Variants in GRIK2 observed in about 807,000 individuals in gnomAD.
The protein encoded by GRIK2 is glutamate receptor ionotropic, kainate 2.
In GRIK2, 32 loss-of-function variants were observed where a neutral mutation model predicts 100.3. That is an observed-to-expected ratio of 0.32 (90% CI 0.24 to 0.43). GRIK2 has a LOEUF of 0.43. Among genes scored for constraint, GRIK2 ranks in the 20% least tolerant of loss-of-function variants. The pLI, the probability that GRIK2 is intolerant of heterozygous loss-of-function variation, is 1.00. For missense variants in GRIK2, 843 were observed against 1,114.9 expected (o/e 0.76, Z 3.47); for synonymous variants, 417 against 389.4 (o/e 1.07, Z -0.83).
chr6:101,682,741 A>C, intron 6 of GRIK2, 135 bp downstream of exon 6: 1 of 495,076 alleles, frequency 2.0e-6, no homozygotes, highest in African/African-American at 2.0e-5. Flanking sequence ...GACTCCACCA[A>C]AATTATTATC....
chr6:101,799,305 G>GTGTGTGTGTA (rs10601554), intron 7 of GRIK2, among the ~76,000 whole-genome samples: 63 of 149,648 alleles, frequency 4.2e-4, no homozygotes, highest in Middle Eastern at 6.8e-3. Context: ...GTGTGTGTGT[G>GTGTGTGTGTA]TATAAGTGAG....
At chr6:101,684,623 G>C (rs975428249) in intron 6 of GRIK2, among the ~76,000 whole-genome samples, 1 of 151,920 alleles carries the variant, frequency 6.6e-6, no homozygotes, top group African/African-American at 2.4e-5. Flanking sequence ...CAAAAGAGAG[G>C]TTGACAAGAG....
intron 13 of GRIK2, chr6:101,927,811 C>A (rs1169929731): frequency 4.6e-5 from 7 of 152,042 alleles, no homozygotes; most frequent in Non-Finnish European, 8.8e-5. Context: ...GATGGGAGAT[C>A]CTTGCTTATA....
chr6:101,420,274 C>A (rs60315344), intron 2 of GRIK2, among the ~76,000 whole-genome samples: 3,622 of 152,294 alleles, frequency 0.024, 139 homozygotes, highest in African/African-American at 0.082. Context: ...TGAGCCCATG[C>A]TATCTAGTTT....
At chr6:101,928,312 G>A in intron 13 of GRIK2, 103 bp from the exon 14 acceptor site, 1 of 674,384 alleles carries the variant, frequency 1.5e-6, no homozygotes, top group Non-Finnish European at 2.7e-6. Flanking sequence ...TTTGATTTAA[G>A]CTTTTATTAC....
chr6:101,855,353 C>T (rs892646253), intron 10 of GRIK2, among the ~76,000 whole-genome samples: 8 of 152,084 alleles, frequency 5.3e-5, no homozygotes, highest in Non-Finnish European at 1.2e-4. Flanking sequence ...ATAAACAAAA[C>T]TTCAGATGGG....
intron 2 of GRIK2, among the ~76,000 whole-genome samples, chr6:101,608,781 A>T (rs1012785095): frequency 2.1e-5 from 3 of 143,224 alleles, no homozygotes; most frequent in Admixed American, 1.4e-4. Context: ...TCTCTCATAG[A>T]GGGGTGTGTG....
chr6:101,470,232 T>A (rs1414577741), intron 2 of GRIK2, among the ~76,000 whole-genome samples: 1 of 152,198 alleles, frequency 6.6e-6, no homozygotes, highest in African/African-American at 2.4e-5. Flanking sequence ...CGTTAGCAGC[T>A]CCACAACCCC....
At chr6:101,811,426 T>G (rs1781318847) in intron 9 of GRIK2, among the ~76,000 whole-genome samples, 1 of 152,096 alleles carries the variant, frequency 6.6e-6, no homozygotes, top group Non-Finnish European at 1.5e-5. Flanking sequence ...CCAGTGAATA[T>G]TTTGTGAGTC....
chr6:101,734,114 T>C (rs1016881288), intron 7 of GRIK2, among the ~76,000 whole-genome samples: 4 of 152,130 alleles, frequency 2.6e-5, no homozygotes, highest in Admixed American at 1.3e-4. Context: ...AGGTATTTGT[T>C]ACAGCAGCAC....
chr6:101,936,597 G>T (rs1790634097), intron 14 of GRIK2, among the ~76,000 whole-genome samples: 2 of 151,984 alleles, frequency 1.3e-5, no homozygotes, highest in Admixed American at 6.6e-5. Flanking sequence ...TATTGTACGT[G>T]AGGCCTGATC....
rs1186194098 is a variant in GRIK2, at chr6:101,974,589, T to C, written c.2085+45957T>C. Among the ~76,000 whole-genome samples the C allele has an allele frequency of 3.9e-5, 6 of 152,192 alleles. No individual in the cohort carries two copies. In the East Asian group the frequency reaches 9.7e-4, roughly 25 times the overall value. On this transcript the variant is annotated intron_variant, in intron 14 of 16. Coordinates refer to ENST00000369134, the MANE Select transcript of GRIK2 (RefSeq NM_021956.5). ...GCTGGCAACTCCGGCAGGGGAATGC[T>C]ACAGTATTGAGGAAGAATTTCTTTT...
At chr6:101,511,766 AATC>A (rs34211980) in intron 2 of GRIK2, among the ~76,000 whole-genome samples, 10,792 of 152,010 alleles carry the variant, frequency 0.071, 462 homozygotes, top group Middle Eastern at 0.12. Context: ...TAATTTAGAT[AATC>A]ATATATGATT....
intron 14 of GRIK2, among the ~76,000 whole-genome samples, chr6:101,989,878 C>A (rs966635926): frequency 6.6e-5 from 10 of 151,142 alleles, no homozygotes; most frequent in African/African-American, 2.4e-4. Context: ...AATTTTTGAA[C>A]ACTTTTATCA....
intron 10 of GRIK2, among the ~76,000 whole-genome samples, chr6:101,837,176 T>A (rs912287627): frequency 3.9e-5 from 6 of 152,174 alleles, no homozygotes; most frequent in African/African-American, 1.2e-4. Flanking sequence ...ATAGATTCTG[T>A]TTGTTTTAAA....
intron 7 of GRIK2, among the ~76,000 whole-genome samples, chr6:101,688,075 TTATTATATAAAAATATA>T (rs1255469337): frequency 2.7e-5 from 4 of 146,420 alleles, no homozygotes; most frequent in Non-Finnish European, 4.5e-5. Flanking sequence ...ATAAAAATAT[TTATTATATAAAAATATA>T]TATTATATAA....
At chr6:101,911,525 G>A (rs1788692213) in intron 12 of GRIK2, among the ~76,000 whole-genome samples, 1 of 151,432 alleles carries the variant, frequency 6.6e-6, no homozygotes, top group Non-Finnish European at 1.5e-5. Context: ...ATCCTAGACA[G>A]CCTTTAAACT....
chr6:101,812,185 T>C (rs1781375682), intron 9 of GRIK2, among the ~76,000 whole-genome samples: 1 of 151,588 alleles, frequency 6.6e-6, no homozygotes, highest in Non-Finnish European at 1.5e-5. Context: ...AATATGTAAT[T>C]ATAAAAGAAT....
intron 7 of GRIK2, among the ~76,000 whole-genome samples, chr6:101,728,240 G>T (rs1362700688): frequency 6.6e-6 from 1 of 152,014 alleles, no homozygotes; most frequent in Non-Finnish European, 1.5e-5. Flanking sequence ...ACTTATCACA[G>T]CTATGGTATA....
Sources: allele counts gnomAD v4.1 joint callset (sites outside exome capture counted in the v4.1 genomes callset), GRCh38; gene constraint gnomAD v4.1.1; transcripts MANE v1.5; gene names NCBI Gene and HGNC (gene_info 2026-07-23, HGNC 2026-07-21).